ASCC3: variants seen among roughly 807,000 people sequenced by gnomAD.
ASCC3 encodes the protein activating signal cointegrator 1 complex subunit 3.
ASCC3 carries 158 observed loss-of-function variants against 256.3 expected under a neutral mutation model. That is an observed-to-expected ratio of 0.62 (90% CI 0.54 to 0.70). The LOEUF (loss-of-function observed/expected upper bound fraction) is 0.70. Among genes scored for constraint, ASCC3 ranks in the 30% least tolerant of loss-of-function variants. The pLI, the probability that ASCC3 is intolerant of heterozygous loss-of-function variation, is 0.00. For synonymous variants in ASCC3, 948 were observed against 883.4 expected (o/e 1.07, Z -1.30); for missense variants, 2,259 against 2,626.0 (o/e 0.86, Z 3.05).
chr6:100,644,596 C>T (rs968531153), intron 22 of ASCC3, among the ~76,000 whole-genome samples: 15 of 152,142 alleles, frequency 9.9e-5, no homozygotes, highest in African/African-American at 3.6e-4. Context: ...GTCTTTCTCT[C>T]TCTCTTACTC....
intron 36 of ASCC3, among the ~76,000 whole-genome samples, chr6:100,585,350 C>A (rs1395360994): frequency 6.6e-6 from 1 of 152,094 alleles, no homozygotes; most frequent in Non-Finnish European, 1.5e-5. Context: ...TCGCTGATAC[C>A]CTTTCTTCCA....
chr6:100,765,350 T>A (rs1175168467), intron 10 of ASCC3, among the ~76,000 whole-genome samples: 2 of 152,176 alleles, frequency 1.3e-5, no homozygotes, highest in Non-Finnish European at 2.9e-5. Context: ...ACATGCCTCA[T>A]TATACTCTCC....
At chr6:100,839,890 A>T (rs1772055247) in intron 4 of ASCC3, among the ~76,000 whole-genome samples, 1 of 152,158 alleles carries the variant, frequency 6.6e-6, no homozygotes, top group South Asian at 2.1e-4. Flanking sequence ...GCAACATACA[A>T]CCAAGATCAA....
At chr6:100,703,739 T>C (rs1778450185) in intron 13 of ASCC3, among the ~76,000 whole-genome samples, 1 of 151,946 alleles carries the variant, frequency 6.6e-6, no homozygotes, top group African/African-American at 2.4e-5. Context: ...TTGGCCCATA[T>C]AGGATGATAA....
intron 1 of ASCC3, among the ~76,000 whole-genome samples, chr6:100,871,545 C>T (rs931124405): frequency 1.3e-5 from 2 of 152,190 alleles, no homozygotes; most frequent in African/African-American, 4.8e-5. Context: ...GCCAGGTGGA[C>T]TGCTTGAGGC....
chr6:100,826,154 G>C (rs1771296862), intron 4 of ASCC3, among the ~76,000 whole-genome samples: 1 of 151,288 alleles, frequency 6.6e-6, no homozygotes, highest in South Asian at 2.1e-4. Flanking sequence ...CATTTTTTGA[G>C]ACAGTCTCCC....
At chr6:100,757,458 AC>A (rs1781233177) in intron 10 of ASCC3, among the ~76,000 whole-genome samples, 1 of 152,170 alleles carries the variant, frequency 6.6e-6, no homozygotes, top group Non-Finnish European at 1.5e-5. Flanking sequence ...ATCCAGAGAG[AC>A]TTAAGACTTA....
intron 37 of ASCC3, among the ~76,000 whole-genome samples, chr6:100,533,336 T>C (rs895099884): frequency 1.3e-5 from 2 of 152,204 alleles, no homozygotes; most frequent in African/African-American, 4.8e-5. Context: ...GTTAAGGTTG[T>C]TCACTATGAT....
At chr6:100,647,492 T>C in intron 20 of ASCC3, 41 bp from the exon 21 acceptor site, 2 of 1,534,308 alleles carry the variant, frequency 1.3e-6, no homozygotes, top group Non-Finnish European at 1.8e-6. Flanking sequence ...ATACCCAATG[T>C]GCTTTTAAAT....
intron 36 of ASCC3, among the ~76,000 whole-genome samples, chr6:100,583,409 T>C (rs2114754703): frequency 6.6e-6 from 1 of 152,336 alleles, no homozygotes; most frequent in African/African-American, 2.4e-5. Flanking sequence ...GGTAGTGTTG[T>C]ATTTCTGTGG....
At chr6:100,651,521 ATGT>A in intron 19 of ASCC3, 36 bp downstream of exon 19, 1 of 1,254,140 alleles carries the variant, frequency 8.0e-7, no homozygotes, top group African/African-American at 1.5e-5. Flanking sequence ...GAATGCATAC[ATGT>A]TGTATGCATT....
intron 29 of ASCC3, 41 bp from the exon 30 acceptor site, chr6:100,625,375 A>T (rs1774175044): frequency 6.2e-7 from 1 of 1,601,996 alleles, no homozygotes; most frequent in East Asian, 2.2e-5. Flanking sequence ...AAGATACTTA[A>T]CCCCAGAATA....
At chr6:100,685,512 T>C (rs1003670597) in intron 13 of ASCC3, among the ~76,000 whole-genome samples, 4 of 152,188 alleles carry the variant, frequency 2.6e-5, no homozygotes, top group African/African-American at 9.6e-5. Flanking sequence ...GCCCAGCCAT[T>C]TGTTTTAACA....
intron 5 of ASCC3, 115 bp from the exon 6 acceptor site, chr6:100,800,619 T>C: frequency 2.5e-6 from 2 of 799,740 alleles, no homozygotes; most frequent in African/African-American, 1.7e-5. Flanking sequence ...CAATTCATTT[T>C]TTAAAGCTGG....
At chr6:100,613,793 C>T (rs1471640252) in intron 30 of ASCC3, among the ~76,000 whole-genome samples, 1 of 152,088 alleles carries the variant, frequency 6.6e-6, no homozygotes, top group Non-Finnish European at 1.5e-5. Context: ...ACATTCTCAC[C>T]AACAGCGTGT....
intron 37 of ASCC3, among the ~76,000 whole-genome samples, chr6:100,521,490 CTTAGT>C (rs1476932677): frequency 6.6e-6 from 1 of 152,132 alleles, no homozygotes; most frequent in African/African-American, 2.4e-5. Flanking sequence ...ATGAAACATG[CTTAGT>C]TAAGATTGGA....
Position 100,731,929 on chromosome 6 carries a change from A to G in ASCC3, c.1738-6226T>C, listed in dbSNP as rs552119697. Among the ~76,000 whole-genome samples, 23 of 152,276 alleles carry G rather than the reference A, an allele frequency of 1.5e-4. No homozygotes were observed. In the South Asian group the frequency reaches 4.4e-3, roughly 29 times the overall value. ...GTAATCCCAGCACTTTGGGAGGCCA[A>G]GGTGGGCAGATAAAAGGAGGTCAGG... is the stretch of plus-strand genomic sequence containing the variant. On this transcript the variant is annotated intron_variant, in intron 10 of 41. Transcript: ENST00000369162.
chr6:100,741,694 T>C (rs1039204170), intron 10 of ASCC3, among the ~76,000 whole-genome samples: 1 of 152,208 alleles, frequency 6.6e-6, no homozygotes, highest in Non-Finnish European at 1.5e-5. Flanking sequence ...CTTGTGAGTG[T>C]ATTGTGAAGT....
chr6:100,550,079 G>A (rs867118432), intron 36 of ASCC3, among the ~76,000 whole-genome samples: 1 of 152,060 alleles, frequency 6.6e-6, no homozygotes, highest in Middle Eastern at 3.4e-3. Flanking sequence ...TGTCAAGTAT[G>A]CAAAATACAC....
Sources: gnomAD v4.1 joint callset for allele counts (sites outside exome capture counted in the v4.1 genomes callset) on GRCh38, gnomAD v4.1.1 for gene constraint, MANE v1.5 for transcripts, NCBI Gene and HGNC (gene_info 2026-07-23, HGNC 2026-07-21) for gene names.